RGS5: variants seen among roughly 807,000 people sequenced by gnomAD.
RGS5 encodes the protein regulator of G-protein signalling 5.
Under a neutral mutation model 18.9 loss-of-function variants are expected in RGS5, and 20 were observed. The observed-to-expected ratio is 1.06, with a 90% CI of 0.74 to 1.54. RGS5 has a LOEUF of 1.54. Among genes scored for constraint, RGS5 ranks in the 40% most tolerant of loss-of-function variants. The pLI, the probability that RGS5 is intolerant of heterozygous loss-of-function variation, is 0.00. For synonymous variants in RGS5, 57 were observed against 76.2 expected (o/e 0.75, Z 1.31); for missense variants, 201 against 211.8 (o/e 0.95, Z 0.32).
chr1:163,165,592 TAAGGAAG>T (rs1354479888), intron 2 of RGS5, among the ~76,000 whole-genome samples: 1 of 152,042 alleles, frequency 6.6e-6, no homozygotes, highest in Non-Finnish European at 1.5e-5. Context: ...GACTAGAAGT[TAAGGAAG>T]AGAGTTTTAA....
chr1:163,217,701 T>A (rs1256839323), upstream of RGS5: 9 of 1,398,298 alleles, frequency 6.4e-6, no homozygotes, highest in Non-Finnish European at 8.4e-6. Context: ...GCAGAGAACT[T>A]GGAACCTTGA....
chr1:163,208,665 C>T (rs1660023767), intron 1 of RGS5, among the ~76,000 whole-genome samples: 1 of 150,836 alleles, frequency 6.6e-6, no homozygotes, highest in Non-Finnish European at 1.5e-5. Context: ...AGCAAGAACG[C>T]AAGAGAAGTA....
At chr1:163,153,659 TATAG>T in intron 3 of RGS5, among the ~76,000 whole-genome samples, 1 of 150,202 alleles carries the variant, frequency 6.7e-6, no homozygotes, top group East Asian at 1.9e-4. Context: ...TTTTAGTCTA[TATAG>T]ATATAGATAT....
At chr1:163,319,911 A>G (rs1249403550) in intron 1 of RGS5, among the ~76,000 whole-genome samples, 1 of 152,160 alleles carries the variant, frequency 6.6e-6, no homozygotes, top group East Asian at 1.9e-4. Context: ...TCTACCTTAC[A>G]CTGACCAGTA....
chr1:163,260,395 A>T lies in RGS5; in HGVS notation c.-281+45838T>A, dbSNP rs527361972. On this transcript the variant is annotated intron_variant, in intron 2 of 5. Coordinates refer to the RGS5 transcript ENST00000618415. The stretch of plus-strand genomic sequence containing the variant: ...CAGTGCTTTAAAGAGTATGACTTCC[A>T]GTCAATTCAGTTCCACAGTTTTATT... Among the ~76,000 whole-genome samples, 6 of 152,318 alleles carry T rather than the reference A, an allele frequency of 3.9e-5. No homozygotes were observed. The East Asian group carries it at 1.2e-3, about 29-fold the overall frequency.
intron 2 of RGS5, among the ~76,000 whole-genome samples, chr1:163,255,693 A>T (rs1212464408): frequency 6.6e-6 from 1 of 151,652 alleles, no homozygotes; most frequent in Non-Finnish European, 1.5e-5. Flanking sequence ...CTTGATGAAC[A>T]TTGATGCAAA....
chr1:163,230,653 T>C (rs1647456024), intron 2 of RGS5, among the ~76,000 whole-genome samples: 1 of 152,236 alleles, frequency 6.6e-6, no homozygotes, highest in South Asian at 2.1e-4. Flanking sequence ...CATTCAGTGA[T>C]ACTATTCTGC....
chr1:163,168,205 G>A, intron 2 of RGS5, 53 bp downstream of exon 2: 4 of 1,342,972 alleles, frequency 3.0e-6, no homozygotes, highest in Non-Finnish European at 4.3e-6. Flanking sequence ...CTAAACACTT[G>A]GAAAATAGCC....
At chr1:163,320,869 A>G (rs1429281462) in intron 1 of RGS5, among the ~76,000 whole-genome samples, 1 of 152,190 alleles carries the variant, frequency 6.6e-6, no homozygotes, top group African/African-American at 2.4e-5. Context: ...GTCTACATTC[A>G]ATACAACCTT....
chr1:163,271,572 T>C (rs986011734), intron 2 of RGS5, among the ~76,000 whole-genome samples: 4 of 152,168 alleles, frequency 2.6e-5, no homozygotes, highest in South Asian at 2.1e-4. Context: ...ACCCAGCCTA[T>C]GGTATCTTAT....
intron 1 of RGS5, among the ~76,000 whole-genome samples, chr1:163,209,212 C>T (rs1660041301): frequency 6.6e-6 from 1 of 152,150 alleles, no homozygotes; most frequent in African/African-American, 2.4e-5. Flanking sequence ...ATTGAAATTA[C>T]AGAGTATCTT....
chr1:163,162,084 GCTGGTCTATC>G, intron 2 of RGS5, 108 bp from the exon 3 acceptor site: 1 of 792,224 alleles, frequency 1.3e-6, no homozygotes, highest in South Asian at 1.5e-5. Flanking sequence ...TGATATGACT[GCTGGTCTATC>G]CTCAGGACAA....
intron 1 of RGS5, among the ~76,000 whole-genome samples, chr1:163,168,939 A>T (rs1361643765): frequency 1.3e-5 from 2 of 151,988 alleles, no homozygotes; most frequent in Non-Finnish European, 2.9e-5. Flanking sequence ...GTATACATGT[A>T]CCATGTTGGT....
exon 1 of RGS5, chr1:163,217,601 C>A: frequency 6.5e-7 from 1 of 1,544,848 alleles, no homozygotes; most frequent in East Asian, 2.5e-5. Context: ...ACATTTTTCA[C>A]TGAGGTTTTG....
chr1:163,165,395 A>C (rs1421368267), intron 2 of RGS5, among the ~76,000 whole-genome samples: 3 of 152,222 alleles, frequency 2.0e-5, no homozygotes, highest in Non-Finnish European at 2.9e-5. Flanking sequence ...ATCAGCTCCT[A>C]ACATTTTACA....
intron 2 of RGS5, among the ~76,000 whole-genome samples, chr1:163,254,465 G>C (rs986388885): frequency 5.9e-5 from 9 of 151,266 alleles, no homozygotes; most frequent in Admixed American, 5.9e-4. Flanking sequence ...AGAAGTGTCT[G>C]TTTATGTCCT....
chr1:163,173,446 G>A (rs1371747016), intron 1 of RGS5, among the ~76,000 whole-genome samples: 3 of 152,138 alleles, frequency 2.0e-5, no homozygotes, highest in Non-Finnish European at 4.4e-5. Context: ...CTGGCTGGCT[G>A]GGAAGTCAAA....
intron 1 of RGS5, among the ~76,000 whole-genome samples, chr1:163,196,030 T>C (rs1262677651): frequency 6.6e-6 from 1 of 152,182 alleles, no homozygotes; most frequent in East Asian, 1.9e-4. Flanking sequence ...GGAGAGACTG[T>C]GAGCTCACAT....
At chr1:163,204,952 A>G (rs1041887464), upstream of RGS5, among the ~76,000 whole-genome samples, 2 of 152,228 alleles carry the variant, frequency 1.3e-5, no homozygotes, top group Non-Finnish European at 2.9e-5. Flanking sequence ...ACTGTCCCAA[A>G]GGAGTTCATG....
Sources: allele counts gnomAD v4.1 joint callset (sites outside exome capture counted in the v4.1 genomes callset), GRCh38; gene constraint gnomAD v4.1.1; transcripts MANE v1.5; gene names NCBI Gene and HGNC (gene_info 2026-07-23, HGNC 2026-07-21).